The following STAU2 variants were observed in gnomAD, a reference collection of about 807,000 sequenced individuals.
STAU2 encodes the protein staufen double-stranded RNA binding protein 2.
Under a neutral mutation model 65.9 loss-of-function variants are expected in STAU2, and 20 were observed. That is an observed-to-expected ratio of 0.30 (90% CI 0.21 to 0.44). The LOEUF is 0.44. STAU2 is among the 20% of genes least tolerant of loss of function. The pLI, the probability that STAU2 is intolerant of heterozygous loss-of-function variation, is 1.00. For missense variants in STAU2, 558 were observed against 683.9 expected, an observed-to-expected ratio of 0.82 and a Z score of 2.05; for synonymous variants, 232 against 233.9, an observed-to-expected ratio of 0.99 and a Z score of 0.07.
At chr8:73,530,444 G>GCCA (rs1234288809) in intron 13 of STAU2, among the ~76,000 whole-genome samples, 3 of 152,150 alleles carry the variant, frequency 2.0e-5, no homozygotes, top group Admixed American at 2.0e-4. Flanking sequence ...GAGTACAACA[G>GCCA]GAGGGAATCA....
At chr8:73,715,140 A>G (rs1821165264) in intron 3 of STAU2, among the ~76,000 whole-genome samples, 1 of 152,010 alleles carries the variant, frequency 6.6e-6, no homozygotes, top group South Asian at 2.1e-4. Context: ...AAAAGATACT[A>G]TAAATCAATT....
At chr8:73,518,663 C>A (rs1431897073) in intron 13 of STAU2, among the ~76,000 whole-genome samples, 1 of 152,196 alleles carries the variant, frequency 6.6e-6, no homozygotes, top group Non-Finnish European at 1.5e-5. Flanking sequence ...TGGGCTGAAG[C>A]TGACTCACAG....
intron 6 of STAU2, among the ~76,000 whole-genome samples, chr8:73,640,764 T>C (rs865923958): frequency 6.6e-6 from 1 of 152,308 alleles, no homozygotes; most frequent in South Asian, 2.1e-4. Context: ...TAGAAATACA[T>C]GAAAAGTAGT....
At chr8:73,701,110 C>CA (rs1035755905) in intron 4 of STAU2, among the ~76,000 whole-genome samples, 12 of 151,760 alleles carry the variant, frequency 7.9e-5, no homozygotes, top group South Asian at 2.1e-4. Flanking sequence ...TTGCCATACA[C>CA]AAAAAAAATC....
At chr8:73,712,061 T>C (rs1175675614) in intron 3 of STAU2, among the ~76,000 whole-genome samples, 1 of 152,098 alleles carries the variant, frequency 6.6e-6, no homozygotes, top group Non-Finnish European at 1.5e-5. Context: ...AACAAACTGG[T>C]CTATAAAATC....
chr8:73,617,429 T>C lies in STAU2; in HGVS notation c.433A>G (p.Ile145Val), dbSNP rs1325144722. 20 of 1,613,778 alleles carry C rather than the reference T, an allele frequency of 1.2e-5. No homozygotes were observed. Among genetic ancestry groups the C allele is most frequent in the Non-Finnish European group, 1.7e-5 (20 of 1,179,966 alleles). The change falls in exon 7 of 15, where the codon ATC (isoleucine) becomes GTC (valine). Residue 145 changes from isoleucine to valine, a missense_variant. Physicochemically the swap from Ile to Val is conservative, Grantham distance 29 (BLOSUM62 3). Transcript: ENST00000524300. ...CCTACAGTGAGCTGAACATAAAAGA[T>C]CTTAGGCACTGGGCAATGATACCTA... is the stretch of plus-strand genomic sequence containing the variant. ...NQRYHCPVPK[I>V]FYVQLTVGNN...
chr8:73,650,530 T>C (rs1213676157), intron 6 of STAU2, among the ~76,000 whole-genome samples: 1 of 152,188 alleles, frequency 6.6e-6, no homozygotes, highest in African/African-American at 2.4e-5. Flanking sequence ...CACTCATCTA[T>C]ATCAAACCAA....
intron 4 of STAU2, among the ~76,000 whole-genome samples, chr8:73,701,836 CA>C (rs1390792532): frequency 1.3e-5 from 2 of 152,040 alleles, no homozygotes; most frequent in African/African-American, 4.8e-5. Context: ...CCTAAGTGTC[CA>C]TCAATAGATG....
chr8:73,456,815 C>A (rs1241749585), intron 13 of STAU2, among the ~76,000 whole-genome samples: 3 of 152,122 alleles, frequency 2.0e-5, no homozygotes, highest in African/African-American at 7.2e-5. Context: ...TCTATTTAAA[C>A]AAGGAAACAG....
chr8:73,706,132 T>G (rs1231404014), intron 4 of STAU2, among the ~76,000 whole-genome samples: 2 of 152,150 alleles, frequency 1.3e-5, no homozygotes, highest in African/African-American at 4.8e-5. Flanking sequence ...AAATTTTTTT[T>G]TTGAGACCGA....
At chr8:73,422,198 C>T (rs1364944074) in intron 14 of STAU2, among the ~76,000 whole-genome samples, 2 of 152,210 alleles carry the variant, frequency 1.3e-5, no homozygotes, top group Non-Finnish European at 2.9e-5. Context: ...GGGGCGCCTC[C>T]TCTCAACTTC....
At chr8:73,709,207 C>G (rs1317970903) in intron 3 of STAU2, 45 bp from the exon 4 acceptor site, 1 of 1,415,924 alleles carries the variant, frequency 7.1e-7, no homozygotes, top group Admixed American at 2.8e-5. Context: ...AATGACTTTA[C>G]AAAATGGAAG....
At chr8:73,684,136 A>G (rs918763386) in intron 5 of STAU2, among the ~76,000 whole-genome samples, 1 of 152,208 alleles carries the variant, frequency 6.6e-6, no homozygotes, top group Non-Finnish European at 1.5e-5. Flanking sequence ...ACCAAAAAAG[A>G]GCCCACATAA....
chr8:73,492,150 G>A (rs1821183265), intron 13 of STAU2, among the ~76,000 whole-genome samples: 2 of 151,836 alleles, frequency 1.3e-5, no homozygotes, highest in South Asian at 4.2e-4. Context: ...TAAATGTAGA[G>A]TACAAAAACA....
At chr8:73,500,209 C>T (rs1324167102) in intron 13 of STAU2, among the ~76,000 whole-genome samples, 2 of 151,850 alleles carry the variant, frequency 1.3e-5, no homozygotes, top group Admixed American at 6.6e-5. Flanking sequence ...CACAGATGCT[C>T]AAGTCCTTTA....
At chr8:73,596,743 G>A (rs1301360337) in intron 10 of STAU2, among the ~76,000 whole-genome samples, 1 of 152,090 alleles carries the variant, frequency 6.6e-6, no homozygotes, top group Non-Finnish European at 1.5e-5. Flanking sequence ...CAGCTACTTG[G>A]GAGGCTGAGG....
intron 13 of STAU2, among the ~76,000 whole-genome samples, chr8:73,548,426 T>C (rs1807088622): frequency 1.3e-5 from 2 of 151,988 alleles, no homozygotes; most frequent in South Asian, 2.1e-4. Context: ...ATATAACCTA[T>C]ACTAAGTCAT....
chr8:73,528,954 G>GT (rs1375233133), intron 13 of STAU2, among the ~76,000 whole-genome samples: 1 of 152,048 alleles, frequency 6.6e-6, no homozygotes, highest in Non-Finnish European at 1.5e-5. Context: ...AATAATTCAA[G>GT]TTTTTTAAAC....
intron 6 of STAU2, among the ~76,000 whole-genome samples, chr8:73,630,015 A>G (rs1268715304): frequency 6.6e-6 from 1 of 152,218 alleles, no homozygotes; most frequent in Non-Finnish European, 1.5e-5. Flanking sequence ...ACTGTTTAAT[A>G]TTAAAAGTGT....
Sources: allele counts gnomAD v4.1 joint callset (sites outside exome capture counted in the v4.1 genomes callset), GRCh38; gene constraint gnomAD v4.1.1; transcripts MANE v1.5; gene names NCBI Gene and HGNC (gene_info 2026-07-23, HGNC 2026-07-21).